GRIN2B: variants seen among roughly 807,000 people sequenced by gnomAD.
GRIN2B encodes glutamate receptor ionotropic, NMDA 2B.
In GRIN2B, 5 loss-of-function variants were observed where a neutral mutation model predicts 114.5. The ratio of observed to expected loss-of-function variants is 0.04; its 90% CI spans 0.02 to 0.09. The LOEUF (loss-of-function observed/expected upper bound fraction) is 0.09, where lower values mean the gene tolerates loss of function less well. GRIN2B is among the 10% of genes least tolerant of loss of function. The probability of loss-of-function intolerance (pLI) is 1.00; values close to 1 mark genes in which losing one functional copy is unlikely to be tolerated. For missense variants in GRIN2B, 1,108 were observed against 1,943.5 expected, an observed-to-expected ratio of 0.57 and a Z score of 8.08; for synonymous variants, 787 against 745.1, an observed-to-expected ratio of 1.06 and a Z score of -0.92.
chr12:13,784,223 CAAAAAAAAAAAAAAAAAAAAAA>C (rs56197649), intron 3 of GRIN2B, among the ~76,000 whole-genome samples: 2 of 71,910 alleles, frequency 2.8e-5, no homozygotes, highest in Admixed American at 2.0e-4. Context: ...GACTTCGCCT[CAAAAAAAAAAAAAAAAAAAAAA>C]AAAAAAAAAA....
At chr12:13,674,137 A>T (rs557859766) in intron 5 of GRIN2B, among the ~76,000 whole-genome samples, 4 of 152,162 alleles carry the variant, frequency 2.6e-5, no homozygotes, top group Non-Finnish European at 5.9e-5. Flanking sequence ...AGGCAGAAGG[A>T]TCACTTGAGG....
At chr12:13,938,154 G>C (rs186619944) in intron 2 of GRIN2B, among the ~76,000 whole-genome samples, 105 of 152,100 alleles carry the variant, frequency 6.9e-4, no homozygotes, top group Middle Eastern at 3.4e-3. Context: ...AGAAGAAACA[G>C]AGAAGCAATG....
At position 13,858,095 on chromosome 12, in the gene GRIN2B, T is replaced by C. The variant is rs1039019952; in HGVS notation, c.411+7703A>G. ...CACTACCTAAAGGTATTGGACAACA[T>C]AGTTAACCTCTCTGATCTATAGTTT... On this transcript the variant is annotated intron_variant, in intron 3 of 13. Transcript: ENST00000609686. Among the ~76,000 whole-genome samples the C allele has an allele frequency of 5.9e-5, 9 of 152,154 alleles. 1 individual carries two copies. Among genetic ancestry groups the C allele is most frequent in the Non-Finnish European group, 8.8e-5 (6 of 68,030 alleles).
At chr12:13,852,505 T>C (rs868628567) in intron 3 of GRIN2B, among the ~76,000 whole-genome samples, 1 of 152,108 alleles carries the variant, frequency 6.6e-6, no homozygotes. Context: ...AATACACCTA[T>C]CAAAAGAAAA....
At chr12:13,871,824 A>C (rs530188425) in intron 2 of GRIN2B, among the ~76,000 whole-genome samples, 30 of 152,144 alleles carry the variant, frequency 2.0e-4, no homozygotes, top group Admixed American at 1.6e-3. Context: ...TTTCCATTTA[A>C]TGTGTAATAT....
intron 4 of GRIN2B, among the ~76,000 whole-genome samples, chr12:13,692,809 C>T (rs1950227081): frequency 1.1e-5 from 1 of 87,704 alleles, no homozygotes; most frequent in Non-Finnish European, 2.2e-5. Flanking sequence ...GCTCTTGTTG[C>T]CCAGGCTGGA....
chr12:13,793,177 C>T lies in GRIN2B; in HGVS notation c.412-39262G>A, dbSNP rs568947559. Among the ~76,000 whole-genome samples, 34 of 152,238 alleles carry T rather than the reference C, an allele frequency of 2.2e-4. 1 individual carries two copies. In the South Asian group the frequency reaches 6.0e-3, roughly 27 times the overall value. On this transcript the variant is annotated intron_variant, in intron 3 of 13. Transcript: ENST00000609686. ...ATCCCAGCACTTTGGGAGGCCGAGG[C>T]GAGCAGATGGCATGAGGCCAGGAGC... is the stretch of plus-strand genomic sequence containing the variant.
intron 2 of GRIN2B, among the ~76,000 whole-genome samples, chr12:13,907,904 C>T (rs1866569967): frequency 6.6e-6 from 1 of 152,026 alleles, no homozygotes. Context: ...AAAAGAGTGT[C>T]CATGAATGGC....
At chr12:13,830,996 T>C (rs933473361) in intron 3 of GRIN2B, among the ~76,000 whole-genome samples, 3 of 152,216 alleles carry the variant, frequency 2.0e-5, no homozygotes, top group African/African-American at 7.2e-5. Flanking sequence ...CTCTCATGAA[T>C]GGCTTGGTGC....
intron 3 of GRIN2B, among the ~76,000 whole-genome samples, chr12:13,835,791 AAAAAG>A (rs1565556486): frequency 6.6e-6 from 1 of 151,610 alleles, no homozygotes; most frequent in African/African-American, 2.4e-5. Flanking sequence ...AAAAAAAAAA[AAAAAG>A]AAAGCCAGCA....
At chr12:13,813,033 G>A (rs933180376) in intron 3 of GRIN2B, among the ~76,000 whole-genome samples, 8 of 146,602 alleles carry the variant, frequency 5.5e-5, no homozygotes, top group African/African-American at 7.6e-5. Flanking sequence ...TCCGCCTCCC[G>A]GGTTCAAGCA....
At chr12:13,876,041 G>T (rs1158897334) in intron 2 of GRIN2B, among the ~76,000 whole-genome samples, 1 of 152,212 alleles carries the variant, frequency 6.6e-6, no homozygotes, top group Non-Finnish European at 1.5e-5. Flanking sequence ...GGAGAGTAAT[G>T]AGCTAAGGAC....
Position 13,563,148 on chromosome 12 carries a change from G to A in GRIN2B, c.4090C>T (p.His1364Tyr). The A allele has an allele frequency of 6.2e-7, 1 of 1,614,208 alleles. No homozygotes were observed. Among genetic ancestry groups the A allele is most frequent in the Non-Finnish European group, 8.5e-7 (1 of 1,180,052 alleles). Reference protein sequence around the residue: ...SSVPTAGHHHHNNPGGGYMLS... With the variant: ...SSVPTAGHHHYNNPGGGYMLS... ...ATGTACCCGCCGCCGGGGTTGTTGT[G>A]GTGGTGATGTCCGGCAGTGGGCACT... Residue 1364 changes from histidine (H) to tyrosine (Y), a missense_variant, in exon 14 of 14, where the codon CAC becomes TAC. This residue lies in a region of GRIN2B where 478 missense variants were observed against 506.0 expected (regional missense o/e 0.94). Coordinates refer to ENST00000609686, the MANE Select transcript of GRIN2B (RefSeq NM_000834.5).
intron 2 of GRIN2B, among the ~76,000 whole-genome samples, chr12:13,975,021 G>A (rs959748175): frequency 6.6e-6 from 1 of 152,192 alleles, no homozygotes; most frequent in South Asian, 2.1e-4. Context: ...GGCAAAAGAT[G>A]TGCATAGGTG....
chr12:13,968,311 A>G (rs577299359), intron 2 of GRIN2B, among the ~76,000 whole-genome samples: 1 of 152,366 alleles, frequency 6.6e-6, no homozygotes, highest in East Asian at 1.9e-4. Flanking sequence ...CATATAGCCC[A>G]TGTGTATATT....
At chr12:13,814,730 T>A (rs896399335) in intron 3 of GRIN2B, among the ~76,000 whole-genome samples, 1 of 152,222 alleles carries the variant, frequency 6.6e-6, no homozygotes, top group African/African-American at 2.4e-5. Flanking sequence ...CTCATGTGAC[T>A]ATGGAGCATT....
At position 13,551,586 on chromosome 12, in the gene GRIN2B, T is replaced by C. The variant is rs1948413940; in HGVS notation, c.*11197A>G. 6.6e-6 allele frequency: 1 copy of C among 152,178 alleles called. No individual in the cohort carries two copies. Among genetic ancestry groups the C allele is most frequent in the Admixed American group, 6.5e-5 (1 of 15,282 alleles). 9.4% of individuals were successfully genotyped at this position (152,178 alleles called of 1,614,324 possible). Reference sequence around the variant, plus strand: ...AATTATGATATGTCTCTTTATCCCATTCTAAATGAACACTTTCATCTACCA... The same window carrying C: ...AATTATGATATGTCTCTTTATCCCACTCTAAATGAACACTTTCATCTACCA... On this transcript the variant is annotated 3_prime_UTR_variant, in exon 14 of 14. Transcript: ENST00000609686.
intron 2 of GRIN2B, among the ~76,000 whole-genome samples, chr12:13,904,554 T>G (rs1866507649): frequency 6.6e-6 from 1 of 152,140 alleles, no homozygotes; most frequent in Admixed American, 6.6e-5. Flanking sequence ...TTTCCCATTT[T>G]CTACTCCACT....
chr12:13,811,862 C>A (rs1283372297), intron 3 of GRIN2B, among the ~76,000 whole-genome samples: 1 of 152,086 alleles, frequency 6.6e-6, no homozygotes, highest in African/African-American at 2.4e-5. Context: ...ATGGAGGAGA[C>A]ATTAAGGGAA....
Sources: gnomAD v4.1 joint callset for allele counts (sites outside exome capture counted in the v4.1 genomes callset) on GRCh38, gnomAD v4.1.1 for gene constraint, gnomAD v4.1.1 regional missense constraint, MANE v1.5 for transcripts, NCBI Gene and HGNC (gene_info 2026-07-23, HGNC 2026-07-21) for gene names.